GABBR2: variants seen among roughly 807,000 people sequenced by gnomAD.
GABBR2 encodes the protein gamma-aminobutyric acid type B receptor subunit 2.
GABBR2 carries 23 observed loss-of-function variants against 105.6 expected under a neutral mutation model. The observed-to-expected ratio is 0.22, with a 90% CI of 0.16 to 0.31. The LOEUF is 0.31. Among genes scored for constraint, GABBR2 ranks in the 10% least tolerant of loss-of-function variants. The probability of loss-of-function intolerance (pLI) is 1.00; values close to 1 mark genes in which losing one functional copy is unlikely to be tolerated. For missense variants in GABBR2, 734 were observed against 1,245.5 expected (o/e 0.59, Z 6.18); for synonymous variants, 478 against 499.7 (o/e 0.96, Z 0.58).
At chr9:98,396,881 G>A (rs979813060) in intron 8 of GABBR2, among the ~76,000 whole-genome samples, 1 of 152,082 alleles carries the variant, frequency 6.6e-6, no homozygotes, top group Non-Finnish European at 1.5e-5. Flanking sequence ...GCTTCCCACC[G>A]ACCGTAATCA....
intron 13 of GABBR2, among the ~76,000 whole-genome samples, chr9:98,316,196 G>T (rs1830714821): frequency 6.6e-6 from 1 of 151,168 alleles, no homozygotes; most frequent in Admixed American, 6.6e-5. Context: ...TTGTTGCCCA[G>T]GCTGGAGTGC....
chr9:98,613,313 A>G (rs1228773109), intron 1 of GABBR2, among the ~76,000 whole-genome samples: 1 of 152,152 alleles, frequency 6.6e-6, no homozygotes, highest in Non-Finnish European at 1.5e-5. Context: ...GGTGGTACAC[A>G]CCTGTAGTCC....
chr9:98,581,988 T>C (rs1829009644), intron 1 of GABBR2, among the ~76,000 whole-genome samples: 1 of 152,206 alleles, frequency 6.6e-6, no homozygotes, highest in South Asian at 2.1e-4. Flanking sequence ...ACAACCAGTA[T>C]TGGAGCTGGA....
At chr9:98,598,583 G>T (rs1243243828) in intron 1 of GABBR2, among the ~76,000 whole-genome samples, 1 of 114,134 alleles carries the variant, frequency 8.8e-6, no homozygotes, top group African/African-American at 3.6e-5. Context: ...GAAAGAAGAA[G>T]AAAAAAAAAA....
intron 13 of GABBR2, among the ~76,000 whole-genome samples, chr9:98,341,121 T>A (rs1831205605): frequency 6.6e-6 from 1 of 152,194 alleles, no homozygotes; most frequent in African/African-American, 2.4e-5. Context: ...CCCACAGACA[T>A]AAGGGAAGCC....
chr9:98,396,665 A>G (rs7034300), intron 8 of GABBR2, among the ~76,000 whole-genome samples: 16,192 of 152,202 alleles, frequency 0.11, 2,653 homozygotes, highest in African/African-American at 0.35. Context: ...AGATGCCCCA[A>G]TCAGGTCCTG....
At chr9:98,292,237 A>T (rs1830313822) in intron 18 of GABBR2, among the ~76,000 whole-genome samples, 1 of 152,244 alleles carries the variant, frequency 6.6e-6, no homozygotes, top group Non-Finnish European at 1.5e-5. Flanking sequence ...CAAAAACCCC[A>T]GAGCTTAACA....
chr9:98,321,313 C>A (rs1173393072), intron 13 of GABBR2, among the ~76,000 whole-genome samples: 1 of 152,170 alleles, frequency 6.6e-6, no homozygotes, highest in African/African-American at 2.4e-5. Context: ...TCAGAGGCCC[C>A]CTCCATGCCC....
intron 3 of GABBR2, among the ~76,000 whole-genome samples, chr9:98,497,390 A>C (rs552549947): frequency 7.9e-4 from 120 of 152,152 alleles, no homozygotes; most frequent in African/African-American, 2.8e-3. Flanking sequence ...TAAAATATAA[A>C]ATCCCCTAAT....
chr9:98,457,244 C>T (rs1348022756), intron 6 of GABBR2, among the ~76,000 whole-genome samples: 3 of 152,156 alleles, frequency 2.0e-5, no homozygotes, highest in Non-Finnish European at 2.9e-5. Context: ...TTCCCTTGTT[C>T]GACCTAATGA....
chr9:98,366,157 T>C (rs1831672240), intron 12 of GABBR2, among the ~76,000 whole-genome samples: 1 of 152,210 alleles, frequency 6.6e-6, no homozygotes, highest in South Asian at 2.1e-4. Flanking sequence ...ATGGGGATAA[T>C]ATTTGCACAT....
chr9:98,665,051 C>A (rs4743256), intron 1 of GABBR2, among the ~76,000 whole-genome samples: 1 of 152,178 alleles, frequency 6.6e-6, no homozygotes, highest in Non-Finnish European at 1.5e-5. Flanking sequence ...AGGACCACTT[C>A]AGCCTCAGAG....
chr9:98,707,265 C>G (rs892128679), intron 1 of GABBR2: 3 of 152,366 alleles, frequency 2.0e-5, no homozygotes, highest in Admixed American at 1.3e-4. Flanking sequence ...CAGAAGCGCC[C>G]GGAGAGTCCC....
intron 13 of GABBR2, among the ~76,000 whole-genome samples, chr9:98,318,130 G>A (rs2086452139): frequency 6.6e-6 from 1 of 152,196 alleles, no homozygotes; most frequent in Non-Finnish European, 1.5e-5. Context: ...TGTGATAAGC[G>A]AGAGGACAGC....
chr9:98,344,437 T>A (rs1831270133), intron 13 of GABBR2, among the ~76,000 whole-genome samples: 1 of 152,204 alleles, frequency 6.6e-6, no homozygotes, highest in Non-Finnish European at 1.5e-5. Context: ...AATCTTTCCA[T>A]CAGACTCTAA....
At chr9:98,465,963 T>G (rs1826541635) in intron 6 of GABBR2, among the ~76,000 whole-genome samples, 1 of 152,194 alleles carries the variant, frequency 6.6e-6, no homozygotes, top group Non-Finnish European at 1.5e-5. Context: ...GGTTTTCCCC[T>G]TGCTGTTCTC....
chr9:98,545,685 G>C (rs1001840964), intron 2 of GABBR2, among the ~76,000 whole-genome samples: 5 of 152,164 alleles, frequency 3.3e-5, no homozygotes, highest in Non-Finnish European at 7.3e-5. Context: ...CCCTGGTTTG[G>C]AATAAGTAGA....
At chr9:98,359,779 T>C (rs977713158) in intron 13 of GABBR2, among the ~76,000 whole-genome samples, 2 of 152,210 alleles carry the variant, frequency 1.3e-5, no homozygotes, top group Non-Finnish European at 2.9e-5. Context: ...CGTGGCGTGC[T>C]TGCTGGGTGG....
At chr9:98,688,394 C>CATATATATATATATATATATATATATAT (rs34589145) in intron 1 of GABBR2, among the ~76,000 whole-genome samples, 141 of 140,456 alleles carry the variant, frequency 1.0e-3, no homozygotes, top group African/African-American at 3.4e-3. Context: ...TATGTGGTTT[C>CATATATATATATATATATATATATATAT]ATATATATAT....
Sources: gnomAD v4.1 joint callset for allele counts (sites outside exome capture counted in the v4.1 genomes callset) on GRCh38, gnomAD v4.1.1 for gene constraint, MANE v1.5 for transcripts, NCBI Gene and HGNC (gene_info 2026-07-23, HGNC 2026-07-21) for gene names.